The following KIF14 variants were observed in gnomAD, a reference collection of about 807,000 sequenced individuals.
KIF14 encodes the protein kinesin family member 14, also known as kinesin-like protein KIF14.
A neutral mutation model predicts 176.2 loss-of-function variants in KIF14; 98 were observed. That is an observed-to-expected ratio of 0.56 (90% CI 0.47 to 0.66). The LOEUF (loss-of-function observed/expected upper bound fraction) is 0.66. Among genes scored for constraint, KIF14 ranks in the 30% least tolerant of loss-of-function variants. The pLI, the probability that KIF14 is intolerant of heterozygous loss-of-function variation, is 0.00. For missense variants in KIF14, 1,751 were observed against 1,920.4 expected (o/e 0.91, Z 1.65); for synonymous variants, 566 against 632.2 (o/e 0.90, Z 1.57).
chr1:200,605,791 G>GA, intron 7 of KIF14, 73 bp downstream of exon 7: 1 of 970,186 alleles, frequency 1.0e-6, no homozygotes, highest in South Asian at 1.8e-5. Flanking sequence ...CAGCAATTAA[G>GA]AAAAAATATT....
intron 27 of KIF14, among the ~76,000 whole-genome samples, chr1:200,558,194 G>C (rs577744918): frequency 1.3e-5 from 2 of 152,256 alleles, no homozygotes; most frequent in South Asian, 4.1e-4. Context: ...GGCTCAAGCT[G>C]TCTTCCTGCC....
chr1:200,572,337 A>G (rs1039794558), intron 22 of KIF14, among the ~76,000 whole-genome samples: 2 of 152,214 alleles, frequency 1.3e-5, no homozygotes, highest in Non-Finnish European at 2.9e-5. Context: ...ACCAACATCT[A>G]GGAGGCTAAA....
At chr1:200,596,158 G>A (rs2102708805) in intron 14 of KIF14, among the ~76,000 whole-genome samples, 1 of 152,228 alleles carries the variant, frequency 6.6e-6, no homozygotes, top group East Asian at 1.9e-4. Context: ...GGAGGCTGAA[G>A]CAGGAGAATT....
In KIF14 at chr1:200,595,838, A is replaced by T. The variant is rs547751006; in HGVS notation, c.2550-2069T>A. On this transcript the variant is annotated intron_variant, in intron 14 of 29. Transcript: ENST00000367350. ...TGGCTGCTACTCAGGAGGCTGAGGCACGAGAATCGCTTGAACCCAGAAGGT... is the reference window on the plus strand; with the variant it reads ...TGGCTGCTACTCAGGAGGCTGAGGCTCGAGAATCGCTTGAACCCAGAAGGT... Among the ~76,000 whole-genome samples, 3 of 151,210 alleles carry T rather than the reference A, an allele frequency of 2.0e-5. No individual in the cohort carries two copies. In the South Asian group the frequency reaches 6.3e-4, roughly 32 times the overall value.
intron 22 of KIF14, among the ~76,000 whole-genome samples, chr1:200,573,468 G>C (rs571924841): frequency 9.8e-6 from 1 of 102,204 alleles, no homozygotes; most frequent in Non-Finnish European, 1.9e-5. Context: ...GAGTCCCGCT[G>C]TTTAGCCCAG....
Position 200,589,504 on chromosome 1 carries a change from T to C in KIF14, c.2962-135A>G, listed in dbSNP as rs1195510275. On this transcript the variant is annotated intron_variant, in intron 17 of 29. Coordinates refer to ENST00000367350, the MANE Select transcript of KIF14 (RefSeq NM_014875.3). ...GCCCTATTAAAGCTTCTCCACTTCA[T>C]TCAGGTTAACTAAAAATACTTAAGA... is the stretch of plus-strand genomic sequence containing the variant. 1.7e-5 allele frequency: 5 copies of C among 299,072 alleles called. No homozygotes were observed. The Admixed American group carries it at 2.0e-4, about 12-fold the overall frequency. The allele number at this position is 299,072 out of a possible 1,614,324, so 18.5% of individuals were successfully genotyped here.
chr1:200,604,172 T>C (rs1201904095), intron 8 of KIF14, among the ~76,000 whole-genome samples: 1 of 152,106 alleles, frequency 6.6e-6, no homozygotes. Flanking sequence ...GTTCAAGCAA[T>C]TGTCCCACCT....
intron 18 of KIF14, among the ~76,000 whole-genome samples, chr1:200,588,955 G>T (rs1658900754): frequency 6.6e-6 from 1 of 152,188 alleles, no homozygotes; most frequent in Admixed American, 6.5e-5. Context: ...TGGCATGACT[G>T]ATGACCAGAT....
chr1:200,554,467 C>T lies in KIF14; in HGVS notation c.4567+1G>A, dbSNP rs961310863. ...TATAAACTCCATTTGGAGAATCATACCTTTCAGTGCAGAAATAATAATTTC... is the reference window on the plus strand; with the variant it reads ...TATAAACTCCATTTGGAGAATCATATCTTTCAGTGCAGAAATAATAATTTC... On this transcript the variant is annotated splice_donor_variant, in intron 29 of 29. Transcript: ENST00000367350. LOFTEE classifies it high-confidence loss of function. The T allele has an allele frequency of 5.3e-6, 8 of 1,507,928 alleles. No homozygotes were observed. The African/African-American group carries it at 1.1e-4, about 21-fold the overall frequency. 93.4% of individuals were successfully genotyped at this position (1,507,928 alleles called of 1,614,324 possible).
At chr1:200,565,946 T>C (rs906553307) in intron 23 of KIF14, among the ~76,000 whole-genome samples, 6 of 152,194 alleles carry the variant, frequency 3.9e-5, no homozygotes, top group African/African-American at 1.2e-4. Flanking sequence ...ACTACCCCTC[T>C]GCTGCTTGCA....
At chr1:200,589,929 G>C (rs570023275) in intron 17 of KIF14, among the ~76,000 whole-genome samples, 196 bp downstream of exon 17, 1 of 151,770 alleles carries the variant, frequency 6.6e-6, no homozygotes, top group Non-Finnish European at 1.5e-5. Context: ...CTGGGATTAC[G>C]GGCATGAGCC....
At chr1:200,581,132 AAG>A (rs1553256823) in intron 20 of KIF14, 67 bp downstream of exon 20, 9 of 784,554 alleles carry the variant, frequency 1.1e-5, no homozygotes, top group South Asian at 1.9e-5. Context: ...AAAAAAAAAA[AAG>A]AGAAACTAAA....
chr1:200,567,913 GATA>G (rs968957054), intron 23 of KIF14, among the ~76,000 whole-genome samples: 1 of 151,338 alleles, frequency 6.6e-6, no homozygotes, highest in African/African-American at 2.4e-5. Context: ...TCATTATGAT[GATA>G]ATGACTATAG....
intron 21 of KIF14, among the ~76,000 whole-genome samples, chr1:200,576,344 A>G (rs1019255720): frequency 2.1e-4 from 31 of 149,994 alleles, no homozygotes; most frequent in South Asian, 6.4e-4. Context: ...CGGGCGTGGT[A>G]GCGGGCGCCT....
At chr1:200,583,102 T>C (rs1238565436) in intron 19 of KIF14, among the ~76,000 whole-genome samples, 1 of 152,094 alleles carries the variant, frequency 6.6e-6, no homozygotes, top group Admixed American at 6.6e-5. Flanking sequence ...ATCTGATTTC[T>C]TCAGCAAATT....
intron 5 of KIF14, among the ~76,000 whole-genome samples, chr1:200,608,517 C>T (rs1659996975): frequency 6.6e-6 from 1 of 152,068 alleles, no homozygotes; most frequent in Non-Finnish European, 1.5e-5. Context: ...TGCAATCCGC[C>T]ACACCCGGCT....
At chr1:200,586,847 A>G (rs970724258) in intron 18 of KIF14, among the ~76,000 whole-genome samples, 3 of 150,754 alleles carry the variant, frequency 2.0e-5, no homozygotes, top group African/African-American at 7.3e-5. Context: ...GCAATAAAAA[A>G]GAAAATATCT....
At chr1:200,568,848 T>C (rs935284375) in intron 23 of KIF14, among the ~76,000 whole-genome samples, 1 of 152,130 alleles carries the variant, frequency 6.6e-6, no homozygotes, top group Admixed American at 6.6e-5. Flanking sequence ...CTGGAATTCA[T>C]CCAGGTTATT....
In KIF14 at chr1:200,551,574, A is replaced by T. The variant is rs906789676; in HGVS notation, c.*1814T>A. 6.6e-6 allele frequency: 1 copy of T among 152,224 alleles called. No homozygotes were observed. Among genetic ancestry groups the T allele is most frequent in the African/African-American group, 2.4e-5 (1 of 41,468 alleles). 9.4% of individuals were successfully genotyped at this position (152,224 alleles called of 1,614,324 possible). A position where few individuals can be genotyped will look rare whatever the true frequency, so the allele number is the denominator to read the frequency against. ...TGTCAGTGCACATAATTCCAATAGC[A>T]AATATTTTTTCACCATTCATTCAAA... is the stretch of plus-strand genomic sequence containing the variant. On this transcript the variant is annotated 3_prime_UTR_variant, in exon 30 of 30. Transcript: ENST00000367350.
Sources: allele counts gnomAD v4.1 joint callset (sites outside exome capture counted in the v4.1 genomes callset), GRCh38; gene constraint gnomAD v4.1.1; transcripts MANE v1.5; gene names NCBI Gene and HGNC (gene_info 2026-07-23, HGNC 2026-07-21).